Variants in SUGCT observed in about 807,000 individuals in gnomAD.
SUGCT encodes succinyl-CoA:glutarate-CoA transferase.
SUGCT carries 41 observed loss-of-function variants against 55.0 expected under a neutral mutation model. The ratio of observed to expected loss-of-function variants is 0.74; its 90% CI spans 0.58 to 0.97. The LOEUF (loss-of-function observed/expected upper bound fraction) is 0.97. Ranked by LOEUF, SUGCT falls within the 50% of genes least tolerant of loss-of-function variation. SUGCT has a pLI of 0.00. For synonymous variants in SUGCT, 187 were observed against 200.4 expected (o/e 0.93, Z 0.56); for missense variants, 568 against 547.8 (o/e 1.04, Z -0.37).
chr7:40,562,383 A>C (rs1795890914), intron 12 of SUGCT, among the ~76,000 whole-genome samples: 1 of 152,002 alleles, frequency 6.6e-6, no homozygotes, highest in South Asian at 2.1e-4. Context: ...TGACGTGTAA[A>C]GACTGAGGCA....
At chr7:40,663,519 G>GTGTGTGTGTGTGTA (rs777739219) in intron 12 of SUGCT, among the ~76,000 whole-genome samples, 1 of 148,394 alleles carries the variant, frequency 6.7e-6, no homozygotes, top group African/African-American at 2.6e-5. Context: ...GTGTGTGTGT[G>GTGTGTGTGTGTGTA]TGTATCATTA....
intron 9 of SUGCT, among the ~76,000 whole-genome samples, chr7:40,352,696 T>C (rs146661832): frequency 1.2e-4 from 19 of 152,338 alleles, no homozygotes; most frequent in Non-Finnish European, 2.6e-4. Flanking sequence ...GCATTTAGGT[T>C]GATCCCATGT....
intron 9 of SUGCT, among the ~76,000 whole-genome samples, chr7:40,336,076 C>G (rs1311454664): frequency 6.6e-6 from 1 of 152,126 alleles, no homozygotes; most frequent in Non-Finnish European, 1.5e-5. Flanking sequence ...GTTGAACCAG[C>G]CTTGCATCCC....
chr7:40,537,715 T>C (rs554503030), intron 12 of SUGCT, among the ~76,000 whole-genome samples: 5 of 152,318 alleles, frequency 3.3e-5, no homozygotes, highest in African/African-American at 7.2e-5. Context: ...TCCAAATAAC[T>C]ATTAAACACT....
At chr7:40,525,652 T>C (rs541321109) in intron 12 of SUGCT, among the ~76,000 whole-genome samples, 1 of 152,142 alleles carries the variant, frequency 6.6e-6, no homozygotes, top group Non-Finnish European at 1.5e-5. Context: ...AAAATATGAA[T>C]ACTTAACAAG....
At chr7:40,367,172 A>C (rs890407893) in intron 9 of SUGCT, among the ~76,000 whole-genome samples, 62 of 150,566 alleles carry the variant, frequency 4.1e-4, no homozygotes, top group Admixed American at 1.7e-3. Flanking sequence ...AGGACAAAAA[A>C]CCAAACATCG....
intron 13 of SUGCT, among the ~76,000 whole-genome samples, chr7:40,777,488 A>G (rs991126269): frequency 3.3e-5 from 5 of 151,776 alleles, no homozygotes; most frequent in African/African-American, 9.7e-5. Context: ...TTTTTGGGTC[A>G]TCTTTTAATC....
chr7:40,476,221 A>G (rs1790665565), intron 11 of SUGCT, among the ~76,000 whole-genome samples: 1 of 152,206 alleles, frequency 6.6e-6, no homozygotes, highest in African/African-American at 2.4e-5. Flanking sequence ...ACAGTGCCTT[A>G]CACATAGTAT....
At chr7:40,447,676 T>C (rs962345393) in intron 9 of SUGCT, among the ~76,000 whole-genome samples, 1 of 152,124 alleles carries the variant, frequency 6.6e-6, no homozygotes, top group African/African-American at 2.4e-5. Context: ...GAACTGAGCC[T>C]ATATGTAGGC....
At chr7:40,199,376 G>A (rs1786465973) in intron 6 of SUGCT, among the ~76,000 whole-genome samples, 4 of 152,120 alleles carry the variant, frequency 2.6e-5, no homozygotes. Context: ...TCATTTCAGA[G>A]GAAGCTGAGT....
Position 40,463,803 on chromosome 7 carries a change from G to A in SUGCT, c.986+4605G>A, listed in dbSNP as rs545152800. 1.4e-4 allele frequency among the ~76,000 whole-genome samples: 21 copies of A among 152,146 alleles called. No individual in the cohort carries two copies. The South Asian group carries it at 4.2e-3, about 30-fold the overall frequency. On this transcript the variant is annotated intron_variant, in intron 11 of 13. Coordinates refer to ENST00000335693, the MANE Select transcript of SUGCT (RefSeq NM_001193313.2). ...CCCTGGAGTTTGCCATTTTATCCAGGGTGTTGCAGAAAGTATGTTTACCCA... is the reference window on the plus strand; with the variant it reads ...CCCTGGAGTTTGCCATTTTATCCAGAGTGTTGCAGAAAGTATGTTTACCCA...
At chr7:40,353,854 G>A (rs952002800) in intron 9 of SUGCT, among the ~76,000 whole-genome samples, 5 of 151,988 alleles carry the variant, frequency 3.3e-5, no homozygotes, top group Admixed American at 6.5e-5. Context: ...GATATACTGG[G>A]TTTGTTTCAG....
intron 12 of SUGCT, among the ~76,000 whole-genome samples, chr7:40,691,960 A>G (rs950740005): frequency 6.6e-6 from 1 of 152,190 alleles, no homozygotes; most frequent in South Asian, 2.1e-4. Context: ...GAAATGATCT[A>G]TTTCATAGAT....
the SUGCT span, among the ~76,000 whole-genome samples, chr7:40,944,728 T>G: frequency 6.6e-6 from 1 of 152,186 alleles, no homozygotes; most frequent in East Asian, 1.9e-4. Context: ...TTCTTTTGGC[T>G]TAGGATTGAC....
chr7:40,776,375 T>C (rs1309634375), intron 13 of SUGCT, among the ~76,000 whole-genome samples: 1 of 152,208 alleles, frequency 6.6e-6, no homozygotes, highest in Non-Finnish European at 1.5e-5. Flanking sequence ...GGTGTCTTTT[T>C]TTGTTTGTAT....
intron 12 of SUGCT, among the ~76,000 whole-genome samples, chr7:40,699,862 A>G (rs1785101983): frequency 6.6e-6 from 1 of 152,192 alleles, no homozygotes; most frequent in Non-Finnish European, 1.5e-5. Flanking sequence ...CATCTCAAAA[A>G]AATAAAATAA....
At chr7:40,991,408 T>A in the SUGCT span, among the ~76,000 whole-genome samples, 1 of 152,092 alleles carries the variant, frequency 6.6e-6, no homozygotes, top group African/African-American at 2.4e-5. Context: ...TTTGAAAAAT[T>A]GGAAATATTT....
intron 12 of SUGCT, among the ~76,000 whole-genome samples, chr7:40,586,132 C>T (rs932498141): frequency 6.6e-6 from 1 of 152,180 alleles, no homozygotes; most frequent in African/African-American, 2.4e-5. Flanking sequence ...GAATGTCTTG[C>T]ACAGAATAGG....
intron 7 of SUGCT, among the ~76,000 whole-genome samples, chr7:40,257,421 G>C (rs1790883419): frequency 6.6e-6 from 1 of 151,632 alleles, no homozygotes; most frequent in African/African-American, 2.4e-5. Context: ...ATACTGAGTT[G>C]GTTTATAAGC....
Sources: gnomAD v4.1 joint callset for allele counts (sites outside exome capture counted in the v4.1 genomes callset) on GRCh38, gnomAD v4.1.1 for gene constraint, MANE v1.5 for transcripts, NCBI Gene and HGNC (gene_info 2026-07-23, HGNC 2026-07-21) for gene names.